Variants in LSM14A observed in about 807,000 individuals in gnomAD.
The protein encoded by LSM14A is LSM14A mRNA processing body assembly factor.
A neutral mutation model predicts 52.4 loss-of-function variants in LSM14A; 14 were observed. The observed-to-expected ratio is 0.27, with a 90% CI of 0.18 to 0.42. The LOEUF (loss-of-function observed/expected upper bound fraction) is 0.42, where lower values mean the gene tolerates loss of function less well. Ranked by LOEUF, LSM14A falls within the 10% of genes least tolerant of loss-of-function variation. The probability of loss-of-function intolerance (pLI) is 1.00; values close to 1 mark genes in which losing one functional copy is unlikely to be tolerated. For missense variants in LSM14A, 417 were observed against 581.8 expected, an observed-to-expected ratio of 0.72 and a Z score of 2.91; for synonymous variants, 185 against 200.3, an observed-to-expected ratio of 0.92 and a Z score of 0.64.
At chr19:34,172,902 C>A (rs1054125631) in intron 1 of LSM14A, 139 bp downstream of exon 1, 28 of 1,071,712 alleles carry the variant, frequency 2.6e-5, no homozygotes, top group Non-Finnish European at 3.5e-5. Context: ...TTCTCCGGGC[C>A]CCGGCGTCGC....
chr19:34,195,050 A>G (rs1017681900), intron 2 of LSM14A, among the ~76,000 whole-genome samples: 2 of 152,082 alleles, frequency 1.3e-5, no homozygotes, highest in African/African-American at 4.8e-5. Flanking sequence ...CTACCATGCT[A>G]TTGAGATATG....
At chr19:34,173,243 CTT>C (rs1423500113) in intron 1 of LSM14A, among the ~76,000 whole-genome samples, 1 of 152,192 alleles carries the variant, frequency 6.6e-6, no homozygotes, top group African/African-American at 2.4e-5. Context: ...TGTGCTAAAA[CTT>C]TGGGTTTGCT....
intron 1 of LSM14A, among the ~76,000 whole-genome samples, chr19:34,192,479 A>G (rs1156811914): frequency 6.7e-6 from 1 of 150,152 alleles, no homozygotes; most frequent in Non-Finnish European, 1.5e-5. Flanking sequence ...GTGCATGCCA[A>G]CATGCCCAGC....
At chr19:34,189,536 G>A (rs2070193898) in intron 1 of LSM14A, among the ~76,000 whole-genome samples, 1 of 152,070 alleles carries the variant, frequency 6.6e-6, no homozygotes, top group Non-Finnish European at 1.5e-5. Flanking sequence ...TTACCTATGG[G>A]TATTTACATT....
At chr19:34,193,028 G>A (rs1169850325) in intron 1 of LSM14A, among the ~76,000 whole-genome samples, 1 of 151,994 alleles carries the variant, frequency 6.6e-6, no homozygotes, top group Non-Finnish European at 1.5e-5. Flanking sequence ...TTCCTTTAGG[G>A]TACTCTTTAA....
In LSM14A at chr19:34,221,646, G is replaced by A; in HGVS notation, c.1276G>A (p.Gly426Ser). 6.2e-7 allele frequency: 1 copy of A among 1,614,146 alleles called. No homozygotes were observed. The highest frequency in any genetic ancestry group is 1.3e-5 in the African/African-American group (1 of 75,012). The stretch of plus-strand genomic sequence containing the variant: ...CCGTGGTGGCAGAGGGCGTGGTGGT[G>A]GCAGAGGTGGTACCTTCACTGCCCC... ...GFRGGRGRGG[G>S]RGGTFTAPRG... Residue 426 changes from glycine to serine, a missense_variant, in exon 9 of 10, where the codon GGC becomes AGC. By Grantham distance (56) the Gly-to-Ser change is moderately conservative. Coordinates refer to ENST00000544216, the MANE Select transcript of LSM14A (RefSeq NM_015578.4).
At chr19:34,206,380 A>G (rs913574150) in intron 3 of LSM14A, among the ~76,000 whole-genome samples, 1 of 151,838 alleles carries the variant, frequency 6.6e-6, no homozygotes, top group Non-Finnish European at 1.5e-5. Flanking sequence ...CTTAAAAAGT[A>G]AAAAAAGACT....
At chr19:34,219,615 T>A in intron 7 of LSM14A, 42 bp downstream of exon 7, 1 of 1,586,754 alleles carries the variant, frequency 6.3e-7, no homozygotes, top group Non-Finnish European at 8.6e-7. Flanking sequence ...TCTTATTTGA[T>A]CTGTGAATTA....
intron 1 of LSM14A, among the ~76,000 whole-genome samples, chr19:34,187,219 A>C (rs1424742399): frequency 6.6e-6 from 1 of 151,594 alleles, no homozygotes; most frequent in Non-Finnish European, 1.5e-5. Context: ...ACTGCACTCC[A>C]GCCTAAGCAA....
chr19:34,226,552 T>C (rs937606349), intron 9 of LSM14A: 23 of 1,112,606 alleles, frequency 2.1e-5, no homozygotes, highest in Admixed American at 3.0e-5. Context: ...TGTCAACTTA[T>C]GCCATACCAT....
intron 6 of LSM14A, among the ~76,000 whole-genome samples, chr19:34,218,362 G>A (rs74390629): frequency 0.025 from 3,738 of 152,156 alleles, 149 homozygotes; most frequent in African/African-American, 0.087. Flanking sequence ...TGTGGCCGAG[G>A]CATTTTTAAT....
intron 1 of LSM14A, among the ~76,000 whole-genome samples, chr19:34,175,044 G>A (rs908526145): frequency 2.0e-5 from 3 of 152,104 alleles, no homozygotes; most frequent in African/African-American, 4.8e-5. Context: ...TTTAGAGTCA[G>A]TATTTCATTA....
chr19:34,222,278 G>A (rs913472145), intron 9 of LSM14A, among the ~76,000 whole-genome samples: 4 of 152,166 alleles, frequency 2.6e-5, no homozygotes, highest in African/African-American at 9.7e-5. Context: ...TCTTAATTTG[G>A]TTTTGTTGAA....
chr19:34,196,203 G>A (rs933078439), intron 2 of LSM14A, among the ~76,000 whole-genome samples: 5 of 152,070 alleles, frequency 3.3e-5, no homozygotes, highest in South Asian at 2.1e-4. Flanking sequence ...TTGTTTCTAC[G>A]TCTGTGAATT....
At chr19:34,215,745 A>G in intron 6 of LSM14A, 84 bp downstream of exon 6, 1 of 989,044 alleles carries the variant, frequency 1.0e-6, no homozygotes, top group South Asian at 1.5e-5. Flanking sequence ...TTACTATAAA[A>G]AAATGAAAGG....
intron 1 of LSM14A, among the ~76,000 whole-genome samples, chr19:34,182,979 C>A (rs1258277241): frequency 6.6e-6 from 1 of 152,100 alleles, no homozygotes; most frequent in Admixed American, 6.5e-5. Context: ...GCCTCCTGCT[C>A]CCCAGCCTTG....
chr19:34,217,985 C>A (rs1242495680), intron 6 of LSM14A, among the ~76,000 whole-genome samples: 1 of 142,278 alleles, frequency 7.0e-6, no homozygotes, highest in Non-Finnish European at 1.5e-5. Flanking sequence ...GACATCTATA[C>A]CCAAAACCTT....
At chr19:34,213,501 G>GT (rs2072324711) in intron 4 of LSM14A, among the ~76,000 whole-genome samples, 1 of 152,188 alleles carries the variant, frequency 6.6e-6, no homozygotes, top group Non-Finnish European at 1.5e-5. Context: ...CTCACCAGTT[G>GT]TTTGACACCT....
chr19:34,186,345 A>C (rs896989617), intron 1 of LSM14A, among the ~76,000 whole-genome samples: 2 of 152,164 alleles, frequency 1.3e-5, no homozygotes, highest in African/African-American at 4.8e-5. Context: ...GTTTCTGTTT[A>C]AGTATTTTTT....
Sources: gnomAD v4.1 joint callset for allele counts (sites outside exome capture counted in the v4.1 genomes callset) on GRCh38, gnomAD v4.1.1 for gene constraint, MANE v1.5 for transcripts, NCBI Gene and HGNC (gene_info 2026-07-23, HGNC 2026-07-21) for gene names.